Variants in ZNF383 observed in about 807,000 individuals in gnomAD.
ZNF383 encodes the protein zinc finger protein 383.
A neutral mutation model predicts 44.2 loss-of-function variants in ZNF383; 32 were observed. The ratio of observed to expected loss-of-function variants is 0.72; its 90% CI spans 0.55 to 0.97. The LOEUF (loss-of-function observed/expected upper bound fraction) is 0.97, where lower values mean the gene tolerates loss of function less well. Ranked by LOEUF, ZNF383 falls within the 50% of genes least tolerant of loss-of-function variation. The pLI is 0.00. For missense variants in ZNF383, 487 were observed against 562.5 expected (o/e 0.87, Z 1.36); for synonymous variants, 155 against 186.2 (o/e 0.83, Z 1.36).
At chr19:37,218,661 A>G (rs967857167) in intron 1 of ZNF383, among the ~76,000 whole-genome samples, 1 of 152,026 alleles carries the variant, frequency 6.6e-6, no homozygotes, top group Non-Finnish European at 1.5e-5. Context: ...TTGTGTTTGT[A>G]TGACTGTTAG....
intron 3 of ZNF383, among the ~76,000 whole-genome samples, chr19:37,234,580 C>A (rs1297633803): frequency 2.6e-5 from 4 of 151,860 alleles, no homozygotes; most frequent in African/African-American, 9.7e-5. Context: ...TTAGTAGAGA[C>A]AGGGTTTCAC....
chr19:37,230,371 C>T (rs1973424044), intron 2 of ZNF383, 38 bp from the exon 3 acceptor site: 1 of 1,465,930 alleles, frequency 6.8e-7, no homozygotes, highest in Admixed American at 1.8e-5. Flanking sequence ...GGTTTTACTT[C>T]CCCAGTCATG....
Position 37,243,350 on chromosome 19 carries a change from G to C in ZNF383, c.1114G>C (p.Gly372Arg). 6.2e-7 allele frequency: 1 copy of C among 1,614,150 alleles called. No individual in the cohort carries two copies. The change falls in exon 6 of 6, where the codon GGA (glycine) becomes CGA (arginine). Residue 372 changes from glycine (G) to arginine (R), a missense_variant. Gly to Arg is a moderately radical substitution (Grantham distance 125). Coordinates refer to ENST00000684119, the MANE Select transcript of ZNF383 (RefSeq NM_001387601.1). ...GEKPYDCKEC[G>R]KAFTQSSQLR... ...GAAACCCTATGATTGTAAGGAATGT[G>C]GAAAGGCTTTTACTCAGAGCTCACA...
chr19:37,243,900 G>T lies in ZNF383; in HGVS notation c.*236G>T. ...CATTGTTTTGTTCTACTTTCTTGGT[G>T]ACACATTATACTCATGTTTATATTT... is the stretch of plus-strand genomic sequence containing the variant. On this transcript the variant is annotated 3_prime_UTR_variant, in exon 6 of 6. Coordinates refer to ENST00000684119, the MANE Select transcript of ZNF383 (RefSeq NM_001387601.1). 3 of 394,244 alleles carry T rather than the reference G, an allele frequency of 7.6e-6. No individual in the cohort carries two copies. Among genetic ancestry groups the T allele is most frequent in the Non-Finnish European group, 1.3e-5 (3 of 223,172 alleles). 24.4% of individuals were successfully genotyped at this position (394,244 alleles called of 1,614,324 possible).
rs1372816686 is a variant in ZNF383 at position 37,243,551 on chromosome 19, C to T, written c.1315C>T (p.Arg439Ter). 5 of 1,613,258 alleles carry T rather than the reference C, an allele frequency of 3.1e-6. No homozygotes were observed. Among genetic ancestry groups the T allele is most frequent in the African/African-American group, 2.7e-5 (2 of 74,732 alleles). Residue 439 changes from arginine (R) to a stop codon, truncating the protein, a stop_gained, in exon 6 of 6, where the codon CGA becomes TGA. Transcript: ENST00000684119. LOFTEE classifies it high-confidence loss of function. ...KAFNKCSNLT[R>*]HLRIHTGEKP... ...CTTTAATAAATGCTCAAACCTTACT[C>T]GACATCTGAGAATTCACACTGGTGA...
At chr19:37,239,478 A>G (rs996849695) in intron 5 of ZNF383, among the ~76,000 whole-genome samples, 1 of 152,064 alleles carries the variant, frequency 6.6e-6, no homozygotes, top group Non-Finnish European at 1.5e-5. Flanking sequence ...AGAGAAGAAA[A>G]CTCCAGGCAG....
rs1442311042 is a variant in ZNF383, at chr19:37,245,823, G to A, written c.*2159G>A. 6.6e-6 allele frequency: 1 copy of A among 150,602 alleles called. No individual in the cohort carries two copies. Among genetic ancestry groups the A allele is most frequent in the African/African-American group, 2.4e-5 (1 of 41,000 alleles). The allele number at this position is 150,602 out of a possible 1,614,324, so 9.3% of individuals were successfully genotyped here. A position where few individuals can be genotyped will look rare whatever the true frequency, so the allele number is the denominator to read the frequency against. The stretch of plus-strand genomic sequence containing the variant: ...TGGTGTTTTTGTTTTTTGAGACACA[G>A]TCTCGCTCTGTTGCCCAGGCTGGAG... On this transcript the variant is annotated 3_prime_UTR_variant, in exon 6 of 6. Coordinates refer to ENST00000684119, the MANE Select transcript of ZNF383 (RefSeq NM_001387601.1).
At chr19:37,238,502 T>C (rs1037404792) in intron 5 of ZNF383, among the ~76,000 whole-genome samples, 1 of 152,012 alleles carries the variant, frequency 6.6e-6, no homozygotes, top group African/African-American at 2.4e-5. Context: ...GTTCTTTTAG[T>C]GAAGACTTGA....
chr19:37,235,464 T>C, intron 3 of ZNF383, 85 bp from the exon 4 acceptor site: 1 of 1,421,476 alleles, frequency 7.0e-7, no homozygotes, highest in South Asian at 1.2e-5. Context: ...TAATGACTCA[T>C]TTTGTATTAC....
intron 1 of ZNF383, among the ~76,000 whole-genome samples, chr19:37,221,871 G>A (rs2145472316): frequency 6.7e-6 from 1 of 150,068 alleles, no homozygotes; most frequent in South Asian, 2.1e-4. Flanking sequence ...CGGGAGAATT[G>A]TGTGAACCCG....
chr19:37,232,231 C>A (rs900777461), intron 3 of ZNF383, among the ~76,000 whole-genome samples: 2 of 151,940 alleles, frequency 1.3e-5, no homozygotes, highest in Admixed American at 1.3e-4. Flanking sequence ...CCTGCCACCA[C>A]GCCTGGCTAA....
At chr19:37,236,318 C>T (rs1973787375) in intron 5 of ZNF383, among the ~76,000 whole-genome samples, 1 of 151,864 alleles carries the variant, frequency 6.6e-6, no homozygotes, top group Admixed American at 6.6e-5. Flanking sequence ...GTACCTTTTA[C>T]TTCTCTAAAA....
chr19:37,243,018 A>T lies in ZNF383; in HGVS notation c.782A>T (p.Lys261Met). 6.2e-7 allele frequency: 1 copy of T among 1,614,162 alleles called. No homozygotes were observed. Among genetic ancestry groups the T allele is most frequent in the Non-Finnish European group, 8.5e-7 (1 of 1,180,020 alleles). ...CCCTATGAATGTAAGGAATGTGGGAAGGCCTTTAGTTATTGCTCAAATCTT... is the reference window on the plus strand; with the variant it reads ...CCCTATGAATGTAAGGAATGTGGGATGGCCTTTAGTTATTGCTCAAATCTT... ...KKPYECKECG[K>M]AFSYCSNLID... Residue 261 changes from lysine to methionine, a missense_variant, in exon 6 of 6, where the codon AAG becomes ATG. Coordinates refer to ENST00000684119, the MANE Select transcript of ZNF383 (RefSeq NM_001387601.1).
intron 1 of ZNF383, among the ~76,000 whole-genome samples, chr19:37,221,828 C>T (rs980239407): frequency 6.6e-6 from 1 of 150,916 alleles, no homozygotes; most frequent in Non-Finnish European, 1.5e-5. Flanking sequence ...TGGTGGCGGC[C>T]GCCTATAGTC....
intron 5 of ZNF383, among the ~76,000 whole-genome samples, chr19:37,239,120 A>G (rs1231304192): frequency 1.3e-5 from 2 of 152,306 alleles, no homozygotes; most frequent in East Asian, 3.9e-4. Flanking sequence ...GGGTTTCACC[A>G]TCTTTGCCAG....
intron 5 of ZNF383, 42 bp from the exon 6 acceptor site, chr19:37,242,427 C>G: frequency 7.3e-7 from 1 of 1,363,936 alleles, no homozygotes; most frequent in Non-Finnish European, 1.0e-6. Context: ...TAATTTTTCA[C>G]AAATAGGAAA....
chr19:37,237,587 A>C (rs1568529504), intron 5 of ZNF383, among the ~76,000 whole-genome samples: 1 of 152,188 alleles, frequency 6.6e-6, no homozygotes, highest in Admixed American at 6.5e-5. Flanking sequence ...AAAATGTCTT[A>C]GTCCATTTTG....
At chr19:37,229,458 CTTTT>C (rs569416608) in intron 2 of ZNF383, among the ~76,000 whole-genome samples, 1 of 123,964 alleles carries the variant, frequency 8.1e-6, no homozygotes, top group Admixed American at 8.5e-5. Flanking sequence ...CTGCACCCAG[CTTTT>C]TTTTTTTTTT....
At chr19:37,225,292 C>T (rs1015295104) in intron 2 of ZNF383, 3 of 151,644 alleles carry the variant, frequency 2.0e-5, no homozygotes, top group East Asian at 2.0e-4. Context: ...CAGGGTTTCT[C>T]CATGTTGGTC....
Sources: gnomAD v4.1 joint callset for allele counts (sites outside exome capture counted in the v4.1 genomes callset) on GRCh38, gnomAD v4.1.1 for gene constraint, MANE v1.5 for transcripts, NCBI Gene and HGNC (gene_info 2026-07-23, HGNC 2026-07-21) for gene names.